VPS13B: variants seen among roughly 807,000 people sequenced by gnomAD.
VPS13B encodes the protein intermembrane lipid transfer protein VPS13B.
VPS13B carries 285 observed loss-of-function variants against 426.4 expected under a neutral mutation model. That is an observed-to-expected ratio of 0.67 (90% CI 0.61 to 0.74). The LOEUF is 0.74. Ranked by LOEUF, VPS13B falls within the 30% of genes least tolerant of loss-of-function variation. The pLI is 0.00. For missense variants in VPS13B, 4,537 were observed against 4,782.6 expected, an observed-to-expected ratio of 0.95 and a Z score of 1.51; for synonymous variants, 1,676 against 1,676.4, an observed-to-expected ratio of 1.00 and a Z score of 0.01.
chr8:99,351,435 AGTGTGTGTGTGTGT>A (rs1024531389), intron 19 of VPS13B, among the ~76,000 whole-genome samples: 1 of 145,654 alleles, frequency 6.9e-6, no homozygotes, highest in Non-Finnish European at 1.5e-5. Flanking sequence ...AGAGAGAGAG[AGTGTGTGTGTGTGT>A]GTGTGTGTGT....
intron 19 of VPS13B, among the ~76,000 whole-genome samples, chr8:99,313,381 C>G (rs1233035140): frequency 6.6e-6 from 1 of 152,190 alleles, no homozygotes; most frequent in Non-Finnish European, 1.5e-5. Flanking sequence ...AGTTTTCCTG[C>G]TAACAGTCAG....
At chr8:99,242,503 A>T (rs928330813) in intron 17 of VPS13B, among the ~76,000 whole-genome samples, 3 of 152,198 alleles carry the variant, frequency 2.0e-5, no homozygotes, top group African/African-American at 7.2e-5. Flanking sequence ...AAATATTTGC[A>T]AATGGAGCAA....
rs543910230 is a variant in VPS13B, at chr8:99,411,393, A to C, written c.3082+19689A>C. 4.6e-5 allele frequency among the ~76,000 whole-genome samples: 7 copies of C among 152,234 alleles called. No individual in the cohort carries two copies. In the South Asian group the frequency reaches 1.5e-3, roughly 32 times the overall value. ...AAGTGTCTGTTCATATCCTTTGCCC[A>C]CTTTTTGATGGGGTTGTTTGTTTTC... On this transcript the variant is annotated intron_variant, in intron 21 of 61. Coordinates refer to ENST00000357162, the MANE Select transcript of VPS13B (RefSeq NM_152564.5).
At chr8:99,772,200 C>A (rs1365626273) in intron 40 of VPS13B, among the ~76,000 whole-genome samples, 1 of 150,548 alleles carries the variant, frequency 6.6e-6, no homozygotes, top group African/African-American at 2.5e-5. Context: ...TGGGAGATTA[C>A]TCTTCCTTTT....
intron 3 of VPS13B, among the ~76,000 whole-genome samples, chr8:99,065,657 CA>C (rs1844451737): frequency 6.6e-6 from 1 of 152,118 alleles, no homozygotes; most frequent in South Asian, 2.1e-4. Context: ...CTGGCCAGAG[CA>C]ATCAGGCAAG....
chr8:99,468,029 C>T (rs1819202436), intron 24 of VPS13B, among the ~76,000 whole-genome samples: 1 of 152,160 alleles, frequency 6.6e-6, no homozygotes, highest in Non-Finnish European at 1.5e-5. Flanking sequence ...ACTTTAACTT[C>T]TAGGATACAT....
At chr8:99,048,708 A>C (rs918308888) in intron 3 of VPS13B, among the ~76,000 whole-genome samples, 1 of 151,648 alleles carries the variant, frequency 6.6e-6, no homozygotes, top group Non-Finnish European at 1.5e-5. Context: ...CCAGCCACTC[A>C]GGGGGCTGAG....
intron 31 of VPS13B, among the ~76,000 whole-genome samples, chr8:99,558,937 G>T (rs1477407772): frequency 6.6e-6 from 1 of 152,290 alleles, no homozygotes; most frequent in South Asian, 2.1e-4. Flanking sequence ...TAATGGGATG[G>T]CTGGATCAAA....
chr8:99,258,764 G>C (rs1277328091), intron 17 of VPS13B, among the ~76,000 whole-genome samples: 2 of 152,082 alleles, frequency 1.3e-5, no homozygotes, highest in Admixed American at 6.5e-5. Context: ...ATCCATTGTA[G>C]ATAATCATGG....
intron 21 of VPS13B, among the ~76,000 whole-genome samples, chr8:99,409,352 GA>G (rs1815496787): frequency 6.6e-6 from 1 of 152,056 alleles, no homozygotes; most frequent in South Asian, 2.1e-4. Flanking sequence ...TGGCATAAAG[GA>G]ATTAGTACTG....
chr8:99,066,518 CT>C (rs1844523207), intron 3 of VPS13B, among the ~76,000 whole-genome samples: 1 of 152,208 alleles, frequency 6.6e-6, no homozygotes, highest in Non-Finnish European at 1.5e-5. Context: ...GGATTAAAGA[CT>C]TTAATGTTAG....
At chr8:99,061,781 T>G (rs765454384) in intron 3 of VPS13B, among the ~76,000 whole-genome samples, 2 of 152,224 alleles carry the variant, frequency 1.3e-5, no homozygotes, top group Non-Finnish European at 2.9e-5. Context: ...ATGCTCCTCT[T>G]CATGTCCTGT....
chr8:99,708,847 C>CTA (rs199794709), intron 36 of VPS13B, among the ~76,000 whole-genome samples: 13,724 of 147,954 alleles, frequency 0.093, 813 homozygotes, highest in East Asian at 0.19. Context: ...CTCTCTCTCT[C>CTA]TCTATATATA....
At chr8:99,825,302 T>A (rs1814612224) in intron 51 of VPS13B, among the ~76,000 whole-genome samples, 1 of 152,256 alleles carries the variant, frequency 6.6e-6, no homozygotes, top group Non-Finnish European at 1.5e-5. Context: ...ATTGTCGTTT[T>A]TATTTGCATT....
chr8:99,766,050 T>C (rs1811202927), intron 39 of VPS13B, among the ~76,000 whole-genome samples: 1 of 147,778 alleles, frequency 6.8e-6, no homozygotes, highest in Non-Finnish European at 1.5e-5. Context: ...ACTTATTTGG[T>C]GTGGCACCTT....
intron 23 of VPS13B, among the ~76,000 whole-genome samples, chr8:99,446,140 C>T (rs1817908574): frequency 1.3e-5 from 2 of 152,212 alleles, no homozygotes; most frequent in South Asian, 4.1e-4. Flanking sequence ...GCCCTTCCTT[C>T]TTTCTCAGTT....
intron 33 of VPS13B, among the ~76,000 whole-genome samples, chr8:99,589,574 A>G (rs957187419): frequency 2.0e-5 from 3 of 151,690 alleles, no homozygotes; most frequent in East Asian, 3.8e-4. Flanking sequence ...CATGGTGTAT[A>G]TGTGCCACAT....
At chr8:99,234,220 G>C (rs1816515534) in intron 17 of VPS13B, 1 of 775,754 alleles carries the variant, frequency 1.3e-6, no homozygotes, top group Admixed American at 1.7e-5. Flanking sequence ...TGCCCGCTTA[G>C]CTCCTCCATG....
chr8:99,721,420 G>A (rs1466660537), intron 39 of VPS13B, among the ~76,000 whole-genome samples: 1 of 152,134 alleles, frequency 6.6e-6, no homozygotes, highest in Non-Finnish European at 1.5e-5. Context: ...ATATGCCCAT[G>A]TAAGGCTAGA....
Sources: allele counts gnomAD v4.1 joint callset (sites outside exome capture counted in the v4.1 genomes callset), GRCh38; gene constraint gnomAD v4.1.1; transcripts MANE v1.5; gene names NCBI Gene and HGNC (gene_info 2026-07-23, HGNC 2026-07-21).